Variants in CFAP57 observed in about 807,000 individuals in gnomAD.
The protein encoded by CFAP57 is cilia and flagella associated protein 57.
In CFAP57, 116 loss-of-function variants were observed where a neutral mutation model predicts 146.8. The observed-to-expected ratio is 0.79, with a 90% CI of 0.68 to 0.92. CFAP57 has a LOEUF of 0.92. Among genes scored for constraint, CFAP57 ranks in the 40% least tolerant of loss-of-function variants. The probability of loss-of-function intolerance (pLI) is 0.00; values close to 1 mark genes in which losing one functional copy is unlikely to be tolerated. For synonymous variants in CFAP57, 518 were observed against 552.8 expected (o/e 0.94, Z 0.88); for missense variants, 1,377 against 1,527.2 (o/e 0.90, Z 1.64).
chr1:43,205,229 GCCT>G (rs1321701900), intron 9 of CFAP57, among the ~76,000 whole-genome samples: 1 of 118,328 alleles, frequency 8.5e-6, no homozygotes, highest in Non-Finnish European at 1.9e-5. Flanking sequence ...GGAGTTATCA[GCCT>G]CCTCTTAATC....
intron 18 of CFAP57, among the ~76,000 whole-genome samples, chr1:43,230,576 A>G (rs1407734935): frequency 6.6e-6 from 1 of 151,038 alleles, no homozygotes; most frequent in African/African-American, 2.4e-5. Context: ...TCCTGCAGCC[A>G]CCCTAAGCCA....
rs1316887457 is a variant in CFAP57, at chr1:43,222,897, G to A, written c.2606G>A (p.Arg869Gln). 1.3e-5 allele frequency: 20 copies of A among 1,550,416 alleles called. No individual in the cohort carries two copies. Among genetic ancestry groups the A allele is most frequent in the Admixed American group, 2.0e-5 (1 of 50,972 alleles). ...TKKQIEEDED[R>Q]EIQDIKTKYE... ...AAGCAGATTGAGGAAGATGAAGACC[G>A]AGAAATCCAAGATATCAAAACCAAG... The change falls in exon 16 of 23, where the codon CGA (arginine) becomes CAA (glutamine). Residue 869 changes from arginine (R) to glutamine (Q), a missense_variant. Physicochemically the swap from Arg to Gln is conservative, Grantham distance 43. Coordinates refer to ENST00000372492, the MANE Select transcript of CFAP57 (RefSeq NM_001378189.1).
intron 2 of CFAP57, among the ~76,000 whole-genome samples, chr1:43,178,759 A>G (rs967408368): frequency 6.6e-6 from 1 of 152,210 alleles, no homozygotes; most frequent in African/African-American, 2.4e-5. Flanking sequence ...TAGAAATACC[A>G]TTTGACCCAG....
chr1:43,199,376 G>C lies in CFAP57; in HGVS notation c.1429-14G>C, dbSNP rs764427986. 1 of 1,612,972 alleles carries C rather than the reference G, an allele frequency of 6.2e-7. No homozygotes were observed. Among genetic ancestry groups the C allele is most frequent in the Admixed American group, 1.7e-5 (1 of 60,002 alleles). ...CTTCCTGCTTGCTTGCTCTCTTGCTGTCTTTCCCTATAGTGTTCCTTTAGC... is the reference window on the plus strand; with the variant it reads ...CTTCCTGCTTGCTTGCTCTCTTGCTCTCTTTCCCTATAGTGTTCCTTTAGC... On this transcript the variant is annotated splice_polypyrimidine_tract_variant and intron_variant, in intron 8 of 22. Transcript: ENST00000372492.
rs572639216 is a variant in CFAP57, at chr1:43,229,059, A to G, written c.3009+1933A>G. On this transcript the variant is annotated intron_variant, in intron 18 of 22. Coordinates refer to ENST00000372492, the MANE Select transcript of CFAP57 (RefSeq NM_001378189.1). ...GTTTCACCATTGGAATTTGGGGTGG[A>G]GGGCACCAACGTTCATCAGACCATA... is the stretch of plus-strand genomic sequence containing the variant. 4.3e-3 allele frequency among the ~76,000 whole-genome samples: 641 copies of G among 148,906 alleles called. 76 individuals are homozygous for G. Among genetic ancestry groups the G allele is most frequent in the African/African-American group, 0.015 (611 of 39,864 alleles).
chr1:43,208,013 A>G (rs978825193), intron 10 of CFAP57, among the ~76,000 whole-genome samples: 42 of 152,262 alleles, frequency 2.8e-4, no homozygotes, highest in African/African-American at 9.9e-4. Flanking sequence ...TGTGTGGTGC[A>G]CAGCATTCAA....
At chr1:43,232,420 G>T in intron 18 of CFAP57, 88 bp from the exon 19 acceptor site, 1 of 1,054,892 alleles carries the variant, frequency 9.5e-7, no homozygotes. Context: ...GTCAGGGGTG[G>T]CATCCCCACT....
intron 21 of CFAP57, among the ~76,000 whole-genome samples, chr1:43,242,883 A>C (rs1248207750): frequency 6.6e-6 from 1 of 152,022 alleles, no homozygotes; most frequent in East Asian, 1.9e-4. Flanking sequence ...TATAATAGCC[A>C]TATAATAGCC....
intron 22 of CFAP57, among the ~76,000 whole-genome samples, chr1:43,251,360 G>A (rs1304525070): frequency 6.6e-6 from 1 of 152,224 alleles, no homozygotes; most frequent in Non-Finnish European, 1.5e-5. Flanking sequence ...TATTACATGG[G>A]TAAGAAAACA....
At chr1:43,178,947 A>G (rs900033061) in intron 2 of CFAP57, among the ~76,000 whole-genome samples, 6 of 152,236 alleles carry the variant, frequency 3.9e-5, no homozygotes, top group Non-Finnish European at 1.5e-5. Context: ...ATGGAATACT[A>G]TGCAGCCATA....
rs542542498 is a variant in CFAP57, at chr1:43,219,829, C to T, written c.2247+292C>T. ...CCATCTCTAGCCAGGCATGGTGGCACGTGCCCATAGTCCCAGCTACTCGGG... is the reference window on the plus strand; with the variant it reads ...CCATCTCTAGCCAGGCATGGTGGCATGTGCCCATAGTCCCAGCTACTCGGG... On this transcript the variant is annotated intron_variant, in intron 13 of 22. Coordinates refer to ENST00000372492, the MANE Select transcript of CFAP57 (RefSeq NM_001378189.1). Among the ~76,000 whole-genome samples the T allele has an allele frequency of 8.5e-5, 13 of 152,240 alleles. No homozygotes were observed. The East Asian group carries it at 1.2e-3, about 14-fold the overall frequency.
intron 17 of CFAP57, among the ~76,000 whole-genome samples, 177 bp downstream of exon 17, chr1:43,224,381 A>G (rs930679400): frequency 6.6e-6 from 1 of 152,230 alleles, no homozygotes; most frequent in Non-Finnish European, 1.5e-5. Flanking sequence ...ATCGCTGTCA[A>G]CACATCACTT....
At position 43,222,977 on chromosome 1, in the gene CFAP57, A is replaced by G. The variant is rs1645105577; in HGVS notation, c.2686A>G (p.Thr896Ala). The G allele has an allele frequency of 6.5e-7, 1 of 1,549,684 alleles. No homozygotes were observed. The highest frequency in any genetic ancestry group is 1.2e-5 in the South Asian group (1 of 83,934). The change falls in exon 16 of 23, where the codon ACA becomes GCA. Residue 896 changes from threonine to alanine, a missense_variant. Physicochemically the swap from Thr to Ala is moderately conservative, Grantham distance 58. Transcript: ENST00000372492. Reference sequence around the variant, plus strand: ...ATCAAACCTGCGGCTCAAGGGAGAAACAGGCATCATGAGGAAGAAGGTAGC... The same window carrying G: ...ATCAAACCTGCGGCTCAAGGGAGAAGCAGGCATCATGAGGAAGAAGGTAGC... ...KESNLRLKGE[T>A]GIMRKKFSSL...
At chr1:43,211,667 T>G (rs1557780772) in intron 11 of CFAP57, 2 of 152,150 alleles carry the variant, frequency 1.3e-5, no homozygotes, top group Non-Finnish European at 2.9e-5. Context: ...TAAATAAAAT[T>G]AAGATCATAC....
chr1:43,195,540 A>T (rs1052514902), intron 6 of CFAP57, among the ~76,000 whole-genome samples: 3 of 152,108 alleles, frequency 2.0e-5, no homozygotes, highest in African/African-American at 2.4e-5. Context: ...AAGAAAAAAA[A>T]AAAAACATGG....
chr1:43,185,652 G>C (rs141763884), intron 5 of CFAP57, among the ~76,000 whole-genome samples: 1 of 140,942 alleles, frequency 7.1e-6, no homozygotes, highest in Non-Finnish European at 1.5e-5. Context: ...GACCAGCCTG[G>C]GCAACATGGT....
At chr1:43,243,722 C>T (rs944496448) in intron 22 of CFAP57, among the ~76,000 whole-genome samples, 1 of 152,188 alleles carries the variant, frequency 6.6e-6, no homozygotes, top group African/African-American at 2.4e-5. Context: ...TCACACTAAG[C>T]TTCCTGAATT....
intron 3 of CFAP57, 122 bp downstream of exon 3, chr1:43,181,972 A>C: frequency 8.7e-7 from 1 of 1,149,416 alleles, no homozygotes; most frequent in Non-Finnish European, 1.3e-6. Context: ...TTCTTACAAC[A>C]ACCGTATAAG....
At position 43,185,239 on chromosome 1, in the gene CFAP57, G is replaced by T. The variant is rs764281502; in HGVS notation, c.852G>T (p.Gln284His). 6.8e-6 allele frequency: 11 copies of T among 1,614,048 alleles called. No individual in the cohort carries two copies. The East Asian group carries it at 2.4e-4, about 36-fold the overall frequency. ...GCCATAGCCAGATGTCCATGCCCCA[G>T]GTGTTTGCCATTGCAGCCTATTCAA... is the stretch of plus-strand genomic sequence containing the variant. ...ASSHSQMSMP[Q>H]VFAIAAYSKG... Residue 284 changes from glutamine to histidine, a missense_variant, in exon 5 of 23, where the codon CAG becomes CAT. Gln to His is a conservative substitution (Grantham distance 24). Transcript: ENST00000372492.
Sources: allele counts gnomAD v4.1 joint callset (sites outside exome capture counted in the v4.1 genomes callset), GRCh38; gene constraint gnomAD v4.1.1; transcripts MANE v1.5; gene names NCBI Gene and HGNC (gene_info 2026-07-23, HGNC 2026-07-21).